Variants in ILRUN observed in about 807,000 individuals in gnomAD.
ILRUN encodes the protein inflammation and lipid regulator with UBA-like and NBR1-like domains.
In ILRUN, 3 loss-of-function variants were observed where a neutral mutation model predicts 33.8. The ratio of observed to expected loss-of-function variants is 0.09; its 90% CI spans 0.04 to 0.23. ILRUN has a LOEUF of 0.23. ILRUN is among the 10% of genes least tolerant of loss of function. The pLI, the probability that ILRUN is intolerant of heterozygous loss-of-function variation, is 1.00. For synonymous variants in ILRUN, 124 were observed against 138.9 expected (o/e 0.89, Z 0.75); for missense variants, 210 against 375.1 (o/e 0.56, Z 3.64).
rs781547883 is a variant in ILRUN, at chr6:34,654,812, G to A, written c.159-33C>T. On this transcript the variant is annotated intron_variant, in intron 1 of 4. Transcript: ENST00000374023. ...AAAAGAGAAAAGGCAACAGACTTCA[G>A]TACTGTCCAGATATTATCCTAATTG... 6.3e-6 allele frequency: 10 copies of A among 1,597,144 alleles called. No homozygotes were observed. The African/African-American group carries it at 1.1e-4, about 17-fold the overall frequency.
chr6:34,608,348 A>T (rs532294997), intron 3 of ILRUN, among the ~76,000 whole-genome samples: 1 of 152,138 alleles, frequency 6.6e-6, no homozygotes, highest in South Asian at 2.1e-4. Context: ...GTGCCACTGC[A>T]CTCTAGCCTA....
intron 1 of ILRUN, among the ~76,000 whole-genome samples, chr6:34,673,284 A>C (rs1763153983): frequency 6.6e-6 from 1 of 152,202 alleles, no homozygotes; most frequent in Non-Finnish European, 1.5e-5. Flanking sequence ...ATCTGTGCAG[A>C]CCTAGAGCTC....
intron 2 of ILRUN, among the ~76,000 whole-genome samples, chr6:34,654,041 A>T (rs573963233): frequency 2.7e-5 from 4 of 147,464 alleles, no homozygotes; most frequent in African/African-American, 7.5e-5. Flanking sequence ...TTTTTTTTTT[A>T]AACCAACAAT....
At chr6:34,630,670 A>C (rs1396196771) in intron 3 of ILRUN, among the ~76,000 whole-genome samples, 1 of 151,946 alleles carries the variant, frequency 6.6e-6, no homozygotes, top group African/African-American at 2.4e-5. Context: ...CGTGAGCCAC[A>C]CCGCCTGGCC....
chr6:34,621,084 G>A (rs554585815), intron 3 of ILRUN, among the ~76,000 whole-genome samples: 4 of 152,192 alleles, frequency 2.6e-5, no homozygotes, highest in African/African-American at 9.6e-5. Flanking sequence ...AACTAAAACA[G>A]GTTTCATATA....
At chr6:34,601,937 C>T (rs377105463) in intron 4 of ILRUN, among the ~76,000 whole-genome samples, 1 of 152,108 alleles carries the variant, frequency 6.6e-6, no homozygotes, top group Non-Finnish European at 1.5e-5. Context: ...CCAGCAAGCA[C>T]GAGTGCGCGA....
At chr6:34,675,352 T>C (rs1763205918) in intron 1 of ILRUN, among the ~76,000 whole-genome samples, 1 of 152,202 alleles carries the variant, frequency 6.6e-6, no homozygotes, top group Non-Finnish European at 1.5e-5. Context: ...GCATTTGATA[T>C]ATGATAAAGA....
At chr6:34,679,814 GAC>G (rs1276298959) in intron 1 of ILRUN, among the ~76,000 whole-genome samples, 1 of 152,198 alleles carries the variant, frequency 6.6e-6, no homozygotes, top group African/African-American at 2.4e-5. Flanking sequence ...GAGATTTGGA[GAC>G]ACACAAGGAA....
chr6:34,645,531 C>T (rs550278139), intron 3 of ILRUN, among the ~76,000 whole-genome samples: 1 of 151,972 alleles, frequency 6.6e-6, no homozygotes, highest in Non-Finnish European at 1.5e-5. Flanking sequence ...CACCCCACCA[C>T]GCCAGGCTAA....
chr6:34,666,972 G>A (rs568018988), intron 1 of ILRUN, among the ~76,000 whole-genome samples: 4 of 151,876 alleles, frequency 2.6e-5, no homozygotes, highest in Admixed American at 6.6e-5. Flanking sequence ...ATGACACTGC[G>A]TAATTATCAC....
chr6:34,674,215 C>T (rs558026404), intron 1 of ILRUN, among the ~76,000 whole-genome samples: 30 of 152,214 alleles, frequency 2.0e-4, no homozygotes, highest in African/African-American at 5.5e-4. Context: ...TTAGTAAAGA[C>T]GGGGTTTCAC....
chr6:34,588,223 T>A lies in ILRUN; in HGVS notation c.*2342A>T, dbSNP rs1366382553. 2.5e-6 allele frequency: 1 copy of A among 398,754 alleles called. No individual in the cohort carries two copies. Among genetic ancestry groups the A allele is most frequent in the East Asian group, 3.6e-5 (1 of 28,086 alleles). The allele number at this position is 398,754 out of a possible 1,614,324, so 24.7% of individuals were successfully genotyped here. On this transcript the variant is annotated 3_prime_UTR_variant, in exon 5 of 5. Coordinates refer to ENST00000374023, the MANE Select transcript of ILRUN (RefSeq NM_024294.4). ...AAGGATGTGCACAGAAATGGTTTGT[T>A]CTTGGGAAGGGAGACAAGGTGCTTG...
At chr6:34,665,397 T>A (rs1762972980) in intron 1 of ILRUN, among the ~76,000 whole-genome samples, 1 of 151,680 alleles carries the variant, frequency 6.6e-6, no homozygotes, top group Non-Finnish European at 1.5e-5. Context: ...CAGCAAGCTG[T>A]TATTGTACCA....
intron 4 of ILRUN, among the ~76,000 whole-genome samples, chr6:34,593,442 G>A (rs915606010): frequency 2.0e-5 from 3 of 152,218 alleles, no homozygotes; most frequent in South Asian, 2.1e-4. Flanking sequence ...CCCACTTAAC[G>A]GATAAATAAA....
chr6:34,689,290 C>T (rs978775624), intron 1 of ILRUN, among the ~76,000 whole-genome samples: 1 of 151,492 alleles, frequency 6.6e-6, no homozygotes, highest in African/African-American at 2.4e-5. Context: ...GCTACATGAT[C>T]ATGCCTGTAA....
At chr6:34,596,451 G>A (rs1761402029) in intron 4 of ILRUN, among the ~76,000 whole-genome samples, 1 of 152,122 alleles carries the variant, frequency 6.6e-6, no homozygotes, top group East Asian at 1.9e-4. Context: ...CAAGTAGCCA[G>A]GACTACAGGC....
intron 1 of ILRUN, chr6:34,671,714 A>G (rs1763120865): frequency 6.6e-6 from 1 of 152,208 alleles, no homozygotes; most frequent in Non-Finnish European, 1.5e-5. Flanking sequence ...CTCCCTTCCT[A>G]AGCCCTCCTA....
At chr6:34,693,283 G>A (rs1562038131) in intron 1 of ILRUN, among the ~76,000 whole-genome samples, 1 of 152,170 alleles carries the variant, frequency 6.6e-6, no homozygotes, top group Non-Finnish European at 1.5e-5. Context: ...GTGACTTAAA[G>A]TTGAATTATC....
At chr6:34,649,587 T>C (rs910470396) in intron 2 of ILRUN, among the ~76,000 whole-genome samples, 2 of 152,224 alleles carry the variant, frequency 1.3e-5, no homozygotes, top group African/African-American at 2.4e-5. Flanking sequence ...AATTTTGAGA[T>C]GGTAGCAAGC....
Sources: allele counts gnomAD v4.1 joint callset (sites outside exome capture counted in the v4.1 genomes callset), GRCh38; gene constraint gnomAD v4.1.1; transcripts MANE v1.5; gene names NCBI Gene and HGNC (gene_info 2026-07-23, HGNC 2026-07-21).